Variants in COL23A1 observed in about 807,000 individuals in gnomAD.
COL23A1 encodes the protein collagen alpha-1(XXIII) chain.
Under a neutral mutation model 99.3 loss-of-function variants are expected in COL23A1, and 97 were observed. That is an observed-to-expected ratio of 0.98 (90% confidence interval 0.83 to 1.16). The LOEUF is 1.16. Among genes scored for constraint, COL23A1 ranks in the 50% most tolerant of loss-of-function variants. The pLI is 0.00. For synonymous variants in COL23A1, 320 were observed against 308.2 expected, an observed-to-expected ratio of 1.04 and a Z score of -0.40; for missense variants, 762 against 757.4, an observed-to-expected ratio of 1.01 and a Z score of -0.07.
At chr5:178,247,593 C>T (rs763299785) in intron 21 of COL23A1, 41 bp from the exon 22 acceptor site, 2 of 1,612,984 alleles carry the variant, frequency 1.2e-6, no homozygotes, top group South Asian at 1.1e-5. Context: ...GGCTCCGGAC[C>T]CTCTTGCAGT....
chr5:178,410,127 A>G (rs1764985391), intron 2 of COL23A1, among the ~76,000 whole-genome samples: 1 of 152,244 alleles, frequency 6.6e-6, no homozygotes, highest in African/African-American at 2.4e-5. Flanking sequence ...TACATTAGAA[A>G]TGCTTACATA....
chr5:178,452,452 T>C (rs1164273604), intron 2 of COL23A1, among the ~76,000 whole-genome samples: 1 of 152,206 alleles, frequency 6.6e-6, no homozygotes, highest in African/African-American at 2.4e-5. Context: ...AGAATCTTTC[T>C]AATCCAGGAA....
rs184990513 is a variant in COL23A1, at chr5:178,479,095, A to G, written c.361+81587T>C. 1.7e-3 allele frequency among the ~76,000 whole-genome samples: 238 copies of G among 137,108 alleles called. 1 individual carries two copies. The highest frequency in any genetic ancestry group is 5.6e-3 in the African/African-American group (231 of 40,910). 89.9% of individuals were successfully genotyped at this position (137,108 alleles called of 152,430 possible). A position where few individuals can be genotyped will look rare whatever the true frequency, so the allele number is the denominator to read the frequency against. On this transcript the variant is annotated intron_variant, in intron 2 of 28. Transcript: ENST00000390654. Reference sequence around the variant, plus strand: ...GGACCTTCATCAGGACACAAGGATCACCCTCATGATGATGATGATGATGAT... The same window carrying G: ...GGACCTTCATCAGGACACAAGGATCGCCCTCATGATGATGATGATGATGAT...
chr5:178,567,168 G>A (rs1261365772), intron 1 of COL23A1, among the ~76,000 whole-genome samples: 1 of 152,158 alleles, frequency 6.6e-6, no homozygotes, highest in Non-Finnish European at 1.5e-5. Context: ...TGCATATAGA[G>A]GAGTCAATAT....
At position 178,504,415 on chromosome 5, in the gene COL23A1, C is replaced by G. The variant is rs1581521450; in HGVS notation, c.361+56267G>C. Among the ~76,000 whole-genome samples, 3 of 152,100 alleles carry G rather than the reference C, an allele frequency of 2.0e-5. No homozygotes were observed. In the East Asian group the frequency reaches 5.8e-4, roughly 29 times the overall value. On this transcript the variant is annotated intron_variant, in intron 2 of 28. Transcript: ENST00000390654. ...AGAGGCTGCCCATGGTGGGGCGGACCCTGGGAGCAGCAGCAGATGAAAACG... is the reference window on the plus strand; with the variant it reads ...AGAGGCTGCCCATGGTGGGGCGGACGCTGGGAGCAGCAGCAGATGAAAACG...
At chr5:178,282,866 CT>C (rs1427225444) in intron 5 of COL23A1, among the ~76,000 whole-genome samples, 1 of 149,636 alleles carries the variant, frequency 6.7e-6, no homozygotes, top group African/African-American at 2.5e-5. Context: ...AGTGATTTTT[CT>C]TTTTTCTTTT....
Position 178,313,217 on chromosome 5 carries a change from G to A in COL23A1, c.362-6298C>T, listed in dbSNP as rs929043409. Reference sequence around the variant, plus strand: ...CTAGGGGAGGCGAGACTGGGAAGTCGGTGGGCCCAGAGACTCCGTTTTGCA... The same window carrying A: ...CTAGGGGAGGCGAGACTGGGAAGTCAGTGGGCCCAGAGACTCCGTTTTGCA... On this transcript the variant is annotated intron_variant, in intron 2 of 28. Coordinates refer to ENST00000390654, the MANE Select transcript of COL23A1 (RefSeq NM_173465.4). This position sits in a 1 kb window ranked among gnomAD's most constrained non-coding sequence, Gnocchi z 4.2. Among the ~76,000 whole-genome samples the A allele has an allele frequency of 5.9e-5, 9 of 152,200 alleles. No individual in the cohort carries two copies. Among genetic ancestry groups the A allele is most frequent in the Admixed American group, 5.9e-4 (9 of 15,282 alleles).
chr5:178,364,398 T>TGAGGGGGAAGCAGGCCCACAG (rs1372051900), intron 2 of COL23A1, among the ~76,000 whole-genome samples: 2 of 151,742 alleles, frequency 1.3e-5, no homozygotes, highest in East Asian at 3.9e-4. Flanking sequence ...GAGGGTGAGC[T>TGAGGGGGAAGCAGGCCCACAG]GAGGGTGAAG....
At chr5:178,271,007 C>G (rs1440504868) in intron 5 of COL23A1, among the ~76,000 whole-genome samples, 1 of 152,220 alleles carries the variant, frequency 6.6e-6, no homozygotes, top group Non-Finnish European at 1.5e-5. Context: ...ATTGCTGCAG[C>G]CTTTGCAGAC....
intron 2 of COL23A1, among the ~76,000 whole-genome samples, chr5:178,311,719 TTTTG>T (rs1758691626): frequency 2.5e-5 from 1 of 39,824 alleles, no homozygotes; most frequent in Admixed American, 1.8e-4. Context: ...TGTAACTGTT[TTTTG>T]TTTTGTTTTG....
rs555302127 is a variant in COL23A1, at chr5:178,312,367, C to T, written c.362-5448G>A. ...TGGACGTCTGAGAGCAGCATCAGCA[C>T]AGTAAACAACTCCAGGGAGGCCTAC... On this transcript the variant is annotated intron_variant, in intron 2 of 28. Coordinates refer to ENST00000390654, the MANE Select transcript of COL23A1 (RefSeq NM_173465.4). Among the ~76,000 whole-genome samples the T allele has an allele frequency of 9.8e-5, 15 of 152,300 alleles. No individual in the cohort carries two copies. In the East Asian group the frequency reaches 2.9e-3, roughly 29 times the overall value.
intron 2 of COL23A1, among the ~76,000 whole-genome samples, chr5:178,537,603 G>A (rs894143792): frequency 6.6e-6 from 1 of 152,198 alleles, no homozygotes; most frequent in South Asian, 2.1e-4. Flanking sequence ...CTCTTGTCTG[G>A]GTGACAATTC....
intron 5 of COL23A1, among the ~76,000 whole-genome samples, chr5:178,272,866 T>A (rs1756371343): frequency 6.6e-6 from 1 of 151,954 alleles, no homozygotes; most frequent in African/African-American, 2.4e-5. Flanking sequence ...CCTTCCTGGG[T>A]CTCTTCAAGG....
At chr5:178,254,778 T>C (rs1765216958) in intron 16 of COL23A1, among the ~76,000 whole-genome samples, 171 bp downstream of exon 16, 1 of 152,148 alleles carries the variant, frequency 6.6e-6, no homozygotes. Context: ...GAGGCGGGTC[T>C]CAACATAGCC....
intron 2 of COL23A1, among the ~76,000 whole-genome samples, chr5:178,466,029 G>A (rs935627787): frequency 1.3e-5 from 2 of 152,114 alleles, no homozygotes; most frequent in Non-Finnish European, 2.9e-5. Context: ...TCCCCTCTGC[G>A]CCACCTCTTT....
intron 27 of COL23A1, 21 bp downstream of exon 27, chr5:178,242,021 G>A: frequency 6.5e-7 from 1 of 1,543,974 alleles, no homozygotes; most frequent in Non-Finnish European, 8.8e-7. Flanking sequence ...ACCTGGGGCA[G>A]GGCCCTCCTC....
At chr5:178,241,909 A>C in intron 27 of COL23A1, 133 bp downstream of exon 27, 1 of 667,624 alleles carries the variant, frequency 1.5e-6, no homozygotes, top group South Asian at 1.9e-5. Flanking sequence ...TGGCCCTGAC[A>C]GTGAGGAAGG....
Position 178,589,938 on chromosome 5 carries a change from C to T in COL23A1, c.260G>A (p.Trp87Ter), listed in dbSNP as rs1764183712. 1.5e-6 allele frequency: 2 copies of T among 1,331,312 alleles called. No homozygotes were observed. Among genetic ancestry groups the T allele is most frequent in the South Asian group, 2.0e-5 (1 of 50,006 alleles). 82.5% of individuals were successfully genotyped at this position (1,331,312 alleles called of 1,614,324 possible). The change falls in exon 1 of 29, where the codon TGG becomes TAG. Residue 87 changes from tryptophan (W) to a stop codon, truncating the protein, a stop_gained. Transcript: ENST00000390654. LOFTEE classifies it high-confidence loss of function. The surrounding 1 kb of genome is among the most constrained non-coding windows in gnomAD (Gnocchi z 5.4). ...RAGPPGALDA[W>*]AEPHLERLLR... ...CAGGCGCTCCAGGTGCGGCTCGGCC[C>T]AGGCGTCCAGGGCGCCTGGCGGCCC...
intron 20 of COL23A1, 138 bp downstream of exon 20, chr5:178,248,054 T>C: frequency 1.4e-6 from 1 of 736,086 alleles, no homozygotes; most frequent in Non-Finnish European, 2.3e-6. Flanking sequence ...CTCAGAGGGG[T>C]CTCGCTCCCC....
Sources: gnomAD v4.1 joint callset for allele counts (sites outside exome capture counted in the v4.1 genomes callset) on GRCh38, gnomAD v4.1.1 for gene constraint, Gnocchi (gnomAD v3.1) non-coding constraint, MANE v1.5 for transcripts, NCBI Gene and HGNC (gene_info 2026-07-23, HGNC 2026-07-21) for gene names.